Variants in PHF1 observed in about 807,000 individuals in gnomAD.
PHF1 encodes the protein PHD finger protein 1.
Under a neutral mutation model 69.4 loss-of-function variants are expected in PHF1, and 16 were observed. The ratio of observed to expected loss-of-function variants is 0.23; its 90% CI spans 0.16 to 0.35. PHF1 has a LOEUF of 0.35. PHF1 is among the 10% of genes least tolerant of loss of function. PHF1 has a pLI of 1.00. For synonymous variants in PHF1, 274 were observed against 275.0 expected (o/e 1.00, Z 0.04); for missense variants, 515 against 732.8 (o/e 0.70, Z 3.43).
Position 33,414,631 on chromosome 6 carries a change from C to G in PHF1, c.944+87C>G, listed in dbSNP as rs1005759829. ...GGAAGGGGAGGGGCTTGCAACCCAC[C>G]TGGAAGACTGTGACTGAAAAGGATT... On this transcript the variant is annotated intron_variant, in intron 10 of 14. Transcript: ENST00000374516. The surrounding 1 kb of genome is among the most constrained non-coding windows in gnomAD (Gnocchi z 5.0). 1.3e-6 allele frequency: 2 copies of G among 1,525,692 alleles called. No homozygotes were observed. Among genetic ancestry groups the G allele is most frequent in the African/African-American group, 1.6e-5 (1 of 63,044 alleles). 94.5% of individuals were successfully genotyped at this position (1,525,692 alleles called of 1,614,324 possible). A position where few individuals can be genotyped will look rare whatever the true frequency, so the allele number is the denominator to read the frequency against.
At chr6:33,410,570 G>GGGAGGGCGGGGCTGGGGCTAACAGCGAGT (rs1554300922), upstream of PHF1, 129,597 of 139,766 alleles carry the variant, frequency 0.93, 60,218 homozygotes, top group East Asian at 0.99. Context: ...ACTCGTCACG[G>GGGAGGGCGGGGCTGGGGCTAACAGCGAGT]GGAGGGCGGG....
At chr6:33,413,634 G>A in intron 6 of PHF1, 77 bp downstream of exon 6, 1 of 1,606,126 alleles carries the variant, frequency 6.2e-7, no homozygotes, top group East Asian at 2.2e-5. Flanking sequence ...AAAAAGAACA[G>A]GATGAGGGTA....
chr6:33,415,226 C>G lies in PHF1; in HGVS notation c.1240-9C>G. 1.2e-6 allele frequency: 2 copies of G among 1,613,498 alleles called. No homozygotes were observed. The highest frequency in any genetic ancestry group is 1.7e-6 in the Non-Finnish European group (2 of 1,179,480). ...GGATTATCTCTCAGTCCTTTGCCCC[C>G]TCTTCTAGGCCTCAGTGTCTCCACC... On this transcript the variant is annotated splice_polypyrimidine_tract_variant and intron_variant, in intron 12 of 14. Transcript: ENST00000374516.
rs1445477223 is a variant in PHF1 at position 33,411,220 on chromosome 6, G to A, written c.-17+5G>A. ...CGGCGGCCCCAGCTGTCACCGGTAA[G>A]GAGGCGGCAGGAGGCGCTGGTGGGG... is the stretch of plus-strand genomic sequence containing the variant. On this transcript the variant is annotated splice_donor_5th_base_variant and intron_variant, in intron 1 of 14. Coordinates refer to ENST00000374516, the MANE Select transcript of PHF1 (RefSeq NM_024165.3). 1 of 152,226 alleles carries A rather than the reference G, an allele frequency of 6.6e-6. No individual in the cohort carries two copies. The highest frequency in any genetic ancestry group is 1.9e-4 in the East Asian group (1 of 5,186). The allele number at this position is 152,226 out of a possible 1,614,324, so 9.4% of individuals were successfully genotyped here.
Position 33,413,538 on chromosome 6 carries a change from T to TA in PHF1, c.569dup (p.Tyr190Ter). ...HLSNRQQSYCYCGGPGEWNLK... is the reference protein window; with the variant it reads ...HLSNRQQSYC ...GAGCAACCGACAGCAGAGTTACTGTTACTGTGGTGGCCCTGGGGAGTGAGT... is the reference window on the plus strand; with the variant it reads ...GAGCAACCGACAGCAGAGTTACTGTTAACTGTGGTGGCCCTGGGGAGTGAGT... The change falls in exon 6 of 15, where the codon TAC becomes TAAC. Residue 190 changes from tyrosine (Y) to a stop codon, truncating the protein, a stop_gained and frameshift_variant. Transcript: ENST00000374516. LOFTEE classifies it high-confidence loss of function. 6.2e-7 allele frequency: 1 copy of TA among 1,614,156 alleles called. No individual in the cohort carries two copies. Among genetic ancestry groups the TA allele is most frequent in the Non-Finnish European group, 8.5e-7 (1 of 1,180,022 alleles).
In PHF1 at chr6:33,411,072, G is replaced by A. The variant is rs1480017136; in HGVS notation, c.-160G>A. 1.3e-5 allele frequency: 2 copies of A among 150,980 alleles called. No individual in the cohort carries two copies. Among genetic ancestry groups the A allele is most frequent in the African/African-American group, 2.4e-5 (1 of 41,134 alleles). 9.4% of individuals were successfully genotyped at this position (150,980 alleles called of 1,614,324 possible). ...CTGCGTCATACGCCCCAGAGCCGCC[G>A]GGACGGAGGGGCTGGGCCTGGGGAC... On this transcript the variant is annotated 5_prime_UTR_variant, in exon 1 of 15. Transcript: ENST00000374516.
chr6:33,412,912 C>G lies in PHF1; in HGVS notation c.337+119C>G, dbSNP rs1776184593. On this transcript the variant is annotated intron_variant, in intron 4 of 14. Coordinates refer to ENST00000374516, the MANE Select transcript of PHF1 (RefSeq NM_024165.3). The surrounding 1 kb of genome is among the most constrained non-coding windows in gnomAD (Gnocchi z 4.2). The stretch of plus-strand genomic sequence containing the variant: ...CTCTGGCCAGGCTGCTTAGCCTTAT[C>G]TTAGTCCTCATCCGCTTTCAGCCCA... The G allele has an allele frequency of 2.3e-6, 2 of 865,084 alleles. No individual in the cohort carries two copies. Among genetic ancestry groups the G allele is most frequent in the South Asian group, 1.5e-5 (1 of 66,796 alleles). The allele number at this position is 865,084 out of a possible 1,614,324, so 53.6% of individuals were successfully genotyped here. A position where few individuals can be genotyped will look rare whatever the true frequency, so the allele number is the denominator to read the frequency against.
Position 33,414,778 on chromosome 6 carries a change from C to T in PHF1, c.998C>T (p.Ala333Val). The T allele has an allele frequency of 1.2e-6, 2 of 1,613,982 alleles. No individual in the cohort carries two copies. The highest frequency in any genetic ancestry group is 1.7e-6 in the Non-Finnish European group (2 of 1,179,910). ...AGGAAATGTTTGTTTGGTCTCCATG[C>T]TCGGATGCCTCCCCCTGTGGAGCCC... ...KKRKCLFGLH[A>V]RMPPPVEPPT... The change falls in exon 11 of 15, where the codon GCT becomes GTT. Residue 333 changes from alanine (A) to valine (V), a missense_variant. This residue lies in a region of PHF1 where 142 missense variants were observed against 309.7 expected (regional missense o/e 0.46). Transcript: ENST00000374516. This position sits in a 1 kb window ranked among gnomAD's most constrained non-coding sequence, Gnocchi z 5.0.
In PHF1 at chr6:33,416,026, C is replaced by A; in HGVS notation, c.1632C>A (p.Val544=). 6.2e-7 allele frequency: 1 copy of A among 1,612,372 alleles called. No homozygotes were observed. Among genetic ancestry groups the A allele is most frequent in the Non-Finnish European group, 8.5e-7 (1 of 1,178,940 alleles). Residue 544 remains valine (V), a synonymous_variant, in exon 15 of 15, where the codon GTC becomes GTA. Coordinates refer to ENST00000374516, the MANE Select transcript of PHF1 (RefSeq NM_024165.3). ...TGTCCCGAGGGGACCCTGTCCGGGT[C>A]CTTGCTCGGAGAGTACGGCCTGATG... ...GYLSRGDPVR[V]LARRVRPDGS... is the part of the protein sequence containing the mutation.
chr6:33,415,837 C>T lies in PHF1; in HGVS notation c.1443C>T (p.Phe481=), dbSNP rs1156947507. Residue 481 remains phenylalanine, a synonymous_variant, in exon 15 of 15, where the codon TTC becomes TTT. Coordinates refer to ENST00000374516, the MANE Select transcript of PHF1 (RefSeq NM_024165.3). ...DRSPLELHIG[F]PTDIPKSAPH... ...CACCCCTGGAACTTCACATTGGTTT[C>T]CCCACAGACATCCCTAAAAGTGCCC... 7 of 1,602,084 alleles carry T rather than the reference C, an allele frequency of 4.4e-6. No individual in the cohort carries two copies. Among genetic ancestry groups the T allele is most frequent in the Non-Finnish European group, 6.0e-6 (7 of 1,171,244 alleles).
chr6:33,415,560 A>AG, intron 13 of PHF1, 30 bp from the exon 14 acceptor site: 5 of 1,610,242 alleles, frequency 3.1e-6, no homozygotes, highest in Non-Finnish European at 4.2e-6. Flanking sequence ...CCCCTGCTTC[A>AG]GGTCCTGACT....
At position 33,414,879 on chromosome 6, in the gene PHF1, G is replaced by C. The variant is rs1468420327; in HGVS notation, c.1049+50G>C. The C allele has an allele frequency of 1.9e-6, 3 of 1,582,866 alleles. No individual in the cohort carries two copies. Among genetic ancestry groups the C allele is most frequent in the Admixed American group, 1.7e-5 (1 of 57,322 alleles). ...GAAATTCTCAGGGTGTTAGTCCTGG[G>C]GGGTATATGTATAGAGATGGGGAGG... On this transcript the variant is annotated intron_variant, in intron 11 of 14. Coordinates refer to ENST00000374516, the MANE Select transcript of PHF1 (RefSeq NM_024165.3). This position sits in a 1 kb window ranked among gnomAD's most constrained non-coding sequence, Gnocchi z 5.0.
At chr6:33,413,579 G>T in intron 6 of PHF1, 22 bp downstream of exon 6, 1 of 1,614,030 alleles carries the variant, frequency 6.2e-7, no homozygotes. Flanking sequence ...GAGGGGAGCA[G>T]ACTGTGGAAT....
At chr6:33,415,754 G>A in intron 14 of PHF1, 56 bp from the exon 15 acceptor site, 2 of 1,602,674 alleles carry the variant, frequency 1.2e-6, no homozygotes, top group Admixed American at 1.7e-5. Flanking sequence ...CTGTTTCTCT[G>A]ATTCACATGT....
At chr6:33,413,363 C>G in intron 5 of PHF1, 46 bp from the exon 6 acceptor site, 1 of 1,612,254 alleles carries the variant, frequency 6.2e-7, no homozygotes, top group Non-Finnish European at 8.5e-7. Flanking sequence ...CAAGCCTTTT[C>G]CTCTCCCCAC....
rs900503602 is a variant in PHF1, at chr6:33,412,988, G to T, written c.337+195G>T. The T allele has an allele frequency of 1.5e-6, 1 of 678,092 alleles. No individual in the cohort carries two copies. Among genetic ancestry groups the T allele is most frequent in the Non-Finnish European group, 2.6e-6 (1 of 388,536 alleles). 42.0% of individuals were successfully genotyped at this position (678,092 alleles called of 1,614,324 possible). A position where few individuals can be genotyped will look rare whatever the true frequency, so the allele number is the denominator to read the frequency against. On this transcript the variant is annotated intron_variant, in intron 4 of 14. Transcript: ENST00000374516. This position sits in a 1 kb window ranked among gnomAD's most constrained non-coding sequence, Gnocchi z 4.2. ...GGTATAACCTTTGCAGGCAGAAGAT[G>T]GTTTAAATGCATCCTTTTCTAACCA...
At chr6:33,415,371 A>G (rs761910524) in intron 13 of PHF1, 42 bp downstream of exon 13, 12 of 1,456,258 alleles carry the variant, frequency 8.2e-6, no homozygotes, top group African/African-American at 1.4e-5. Flanking sequence ...TATGCTCCCA[A>G]TTATTCACAT....
rs754941553 is a variant in PHF1, at chr6:33,416,033, C to A, written c.1639C>A (p.Arg547=). 6.2e-7 allele frequency: 1 copy of A among 1,610,720 alleles called. No individual in the cohort carries two copies. Among genetic ancestry groups the A allele is most frequent in the Non-Finnish European group, 8.5e-7 (1 of 1,178,024 alleles). The part of the protein sequence containing the change: ...SRGDPVRVLA[R]RVRPDGSVQY... Reference sequence around the variant, plus strand: ...AGGGGACCCTGTCCGGGTCCTTGCTCGGAGAGTACGGCCTGATGGCTCTGT... The same window carrying A: ...AGGGGACCCTGTCCGGGTCCTTGCTAGGAGAGTACGGCCTGATGGCTCTGT... The change falls in exon 15 of 15, where the codon CGG becomes AGG. Residue 547 remains arginine, a synonymous_variant. Transcript: ENST00000374516.
In PHF1 at chr6:33,416,137, G is replaced by A. The variant is rs749845193; in HGVS notation, c.*39G>A. ...GCCCAGCTCCCCATTCACACACACC[G>A]GCACTTTCATACCCTGACCTCTGAC... On this transcript the variant is annotated 3_prime_UTR_variant, in exon 15 of 15. Transcript: ENST00000374516. 3.2e-5 allele frequency: 48 copies of A among 1,493,818 alleles called. No individual in the cohort carries two copies. In the Middle Eastern group the frequency reaches 9.6e-4, roughly 30 times the overall value. The allele number at this position is 1,493,818 out of a possible 1,614,324, so 92.5% of individuals were successfully genotyped here.
Sources: gnomAD v4.1 joint callset for allele counts on GRCh38, gnomAD v4.1.1 for gene constraint, gnomAD v4.1.1 regional missense constraint, Gnocchi (gnomAD v3.1) non-coding constraint, MANE v1.5 for transcripts, NCBI Gene and HGNC (gene_info 2026-07-23, HGNC 2026-07-21) for gene names.